The following AUTS2 variants were observed in gnomAD, a reference collection of about 807,000 sequenced individuals.
AUTS2 encodes the protein autism susceptibility gene 2 protein.
A neutral mutation model predicts 112.4 loss-of-function variants in AUTS2; 17 were observed. The observed-to-expected ratio is 0.15, with a 90% confidence interval of 0.10 to 0.23. The LOEUF is 0.23. Ranked by LOEUF, AUTS2 falls within the 10% of genes least tolerant of loss-of-function variation. The pLI, the probability that AUTS2 is intolerant of heterozygous loss-of-function variation, is 1.00. For missense variants in AUTS2, 1,510 were observed against 1,701.6 expected, an observed-to-expected ratio of 0.89 and a Z score of 1.98; for synonymous variants, 751 against 702.7, an observed-to-expected ratio of 1.07 and a Z score of -1.09.
At chr7:70,047,604 C>T (rs1039570570) in intron 2 of AUTS2, among the ~76,000 whole-genome samples, 2 of 152,102 alleles carry the variant, frequency 1.3e-5, no homozygotes, top group African/African-American at 4.8e-5. Context: ...GCTTTGACAG[C>T]AGGGAGTGAG....
intron 1 of AUTS2, among the ~76,000 whole-genome samples, chr7:69,830,488 A>G (rs1791451978): frequency 6.6e-6 from 1 of 152,200 alleles, no homozygotes; most frequent in Admixed American, 6.5e-5. Context: ...ATCCAACTTT[A>G]ATGGTTAATA....
rs140688522 is a variant in AUTS2 at position 69,871,971 on chromosome 7, T to C, written c.310-27315T>C. Among the ~76,000 whole-genome samples the C allele has an allele frequency of 4.8e-3, 735 of 152,306 alleles. 27 individuals are homozygous for C. The highest frequency in any genetic ancestry group is 9.7e-4 in the Non-Finnish European group (66 of 68,020). On this transcript the variant is annotated intron_variant, in intron 1 of 18. Transcript: ENST00000342771. ...ACTGGAGTTCTATGTTACTGGGACA[T>C]ACAAACACTATGTGAATGGGGCAGC...
intron 5 of AUTS2, among the ~76,000 whole-genome samples, chr7:70,496,836 T>A (rs867508681): frequency 1.6e-3 from 49 of 31,486 alleles, no homozygotes; most frequent in Middle Eastern, 0.031. Context: ...GATCACACAC[T>A]CCACGTACAC....
intron 1 of AUTS2, among the ~76,000 whole-genome samples, chr7:69,707,773 T>A (rs1219624221): frequency 6.6e-6 from 1 of 152,246 alleles, no homozygotes; most frequent in Non-Finnish European, 1.5e-5. Flanking sequence ...CTACCATTTA[T>A]GAAAAACTCT....
intron 6 of AUTS2, among the ~76,000 whole-genome samples, chr7:70,712,204 T>C (rs1348904445): frequency 8.2e-6 from 1 of 121,416 alleles, no homozygotes; most frequent in African/African-American, 3.6e-5. Context: ...TTTTTTTTTT[T>C]TTTTTTTTTT....
intron 6 of AUTS2, among the ~76,000 whole-genome samples, chr7:70,761,630 G>C (rs754897240): frequency 9.3e-4 from 141 of 152,232 alleles, no homozygotes; most frequent in African/African-American, 3.2e-3. Flanking sequence ...CTGGTCTTTC[G>C]TTATTCTGTT....
At chr7:69,755,235 A>C (rs559580150) in intron 1 of AUTS2, among the ~76,000 whole-genome samples, 1 of 152,134 alleles carries the variant, frequency 6.6e-6, no homozygotes, top group Non-Finnish European at 1.5e-5. Flanking sequence ...AGTTCTATAG[A>C]CTAGGGAAAC....
chr7:69,719,931 G>GT (rs2129213226), intron 1 of AUTS2, among the ~76,000 whole-genome samples: 1 of 152,170 alleles, frequency 6.6e-6, no homozygotes, highest in African/African-American at 2.4e-5. Context: ...CCCTGGCATT[G>GT]TTGAAGGAAA....
intron 4 of AUTS2, among the ~76,000 whole-genome samples, chr7:70,157,666 G>A (rs1184226734): frequency 6.6e-6 from 1 of 152,080 alleles, no homozygotes; most frequent in Non-Finnish European, 1.5e-5. Flanking sequence ...AAGTGACCCA[G>A]GCACTTCAGG....
intron 2 of AUTS2, among the ~76,000 whole-genome samples, chr7:70,062,562 A>G (rs1246064864): frequency 1.3e-5 from 2 of 151,878 alleles, no homozygotes; most frequent in African/African-American, 4.8e-5. Context: ...CCCAACGTAC[A>G]TTGTTTTTCA....
intron 1 of AUTS2, among the ~76,000 whole-genome samples, chr7:69,775,423 T>G (rs1340496942): frequency 2.0e-5 from 3 of 152,182 alleles, no homozygotes; most frequent in Non-Finnish European, 4.4e-5. Flanking sequence ...ATGACTATCA[T>G]ATTTCCATCT....
At chr7:69,779,418 A>G (rs1041230320) in intron 1 of AUTS2, among the ~76,000 whole-genome samples, 1 of 152,174 alleles carries the variant, frequency 6.6e-6, no homozygotes, top group Non-Finnish European at 1.5e-5. Context: ...GGGTTTTCCA[A>G]CTTAGGCAAG....
intron 5 of AUTS2, among the ~76,000 whole-genome samples, chr7:70,558,774 A>G (rs1333132804): frequency 1.3e-5 from 2 of 152,234 alleles, no homozygotes; most frequent in Non-Finnish European, 2.9e-5. Context: ...GCTATTCTTC[A>G]TTCCTAGATG....
At chr7:69,811,936 T>G (rs76807425) in intron 1 of AUTS2, among the ~76,000 whole-genome samples, 21 of 152,236 alleles carry the variant, frequency 1.4e-4, no homozygotes, top group Non-Finnish European at 2.4e-4. Context: ...TAAATACTGC[T>G]TGAATCAATG....
intron 1 of AUTS2, among the ~76,000 whole-genome samples, chr7:69,764,626 G>A (rs1788340942): frequency 6.6e-6 from 1 of 152,106 alleles, no homozygotes; most frequent in South Asian, 2.1e-4. Flanking sequence ...TGGCATTCTA[G>A]CCAGATAAAG....
At chr7:70,197,561 G>A (rs536312913) in intron 4 of AUTS2, among the ~76,000 whole-genome samples, 1 of 115,034 alleles carries the variant, frequency 8.7e-6, no homozygotes, top group African/African-American at 3.4e-5. Flanking sequence ...TTCCCTTTCC[G>A]AGTCAAAGAA....
chr7:70,499,823 A>C (rs564545442), intron 5 of AUTS2, among the ~76,000 whole-genome samples: 1 of 152,330 alleles, frequency 6.6e-6, no homozygotes, highest in Admixed American at 6.5e-5. Flanking sequence ...GCAGGCTCCC[A>C]GATGTAGATA....
At chr7:70,373,085 A>G (rs962765744) in intron 4 of AUTS2, among the ~76,000 whole-genome samples, 7 of 151,930 alleles carry the variant, frequency 4.6e-5, no homozygotes, top group African/African-American at 1.2e-4. Flanking sequence ...ATACACTGCA[A>G]TATCACGTGA....
intron 4 of AUTS2, among the ~76,000 whole-genome samples, chr7:70,282,418 C>T (rs1340162610): frequency 1.3e-5 from 2 of 152,116 alleles, no homozygotes; most frequent in Admixed American, 6.6e-5. Context: ...CTGGGAATTA[C>T]AAGATCAAGA....
Sources: allele counts gnomAD v4.1 joint callset (sites outside exome capture counted in the v4.1 genomes callset), GRCh38; gene constraint gnomAD v4.1.1; transcripts MANE v1.5; gene names NCBI Gene and HGNC (gene_info 2026-07-23, HGNC 2026-07-21).